The following NAALADL2 variants were observed in gnomAD, a reference collection of about 807,000 sequenced individuals.
NAALADL2 encodes the protein N-acetylated alpha-linked acidic dipeptidase like 2, also known as inactive N-acetylated-alpha-linked acidic dipeptidase-like protein 2.
Under a neutral mutation model 87.2 loss-of-function variants are expected in NAALADL2, and 76 were observed. That is an observed-to-expected ratio of 0.87 (90% CI 0.72 to 1.05). The LOEUF is 1.05. NAALADL2 is among the 50% of genes least tolerant of loss of function. The pLI, the probability that NAALADL2 is intolerant of heterozygous loss-of-function variation, is 0.00. For missense variants in NAALADL2, 1,089 were observed against 945.8 expected, an observed-to-expected ratio of 1.15 and a Z score of -1.99; for synonymous variants, 354 against 331.0, an observed-to-expected ratio of 1.07 and a Z score of -0.75.
rs917976359 is a variant in NAALADL2 at position 175,233,769 on chromosome 3, C to T, written c.546-162C>T. 2.6e-5 allele frequency among the ~76,000 whole-genome samples: 4 copies of T among 152,116 alleles called. No individual in the cohort carries two copies. In the South Asian group the frequency reaches 8.3e-4, roughly 32 times the overall value. The stretch of plus-strand genomic sequence containing the variant: ...CTTAATTTAAGAAACTAATTCATTC[C>T]ACTTTGTTTTGTGTTTATGTTTCAT... On this transcript the variant is annotated intron_variant, in intron 2 of 13. Coordinates refer to ENST00000454872, the MANE Select transcript of NAALADL2 (RefSeq NM_207015.3).
chr3:174,548,010 T>C (rs1264491361), intron 1 of NAALADL2, among the ~76,000 whole-genome samples: 3 of 152,228 alleles, frequency 2.0e-5, no homozygotes, highest in Non-Finnish European at 4.4e-5. Context: ...AATGTAAATA[T>C]GTGCAATCTT....
At chr3:175,238,905 A>G (rs1348024560) in intron 3 of NAALADL2, among the ~76,000 whole-genome samples, 2 of 152,236 alleles carry the variant, frequency 1.3e-5, no homozygotes, top group African/African-American at 4.8e-5. Flanking sequence ...TCTGACTGCC[A>G]GCAAAGCTTC....
At chr3:174,744,411 A>G (rs1734057761) in intron 3 of NAALADL2, among the ~76,000 whole-genome samples, 3 of 152,036 alleles carry the variant, frequency 2.0e-5, no homozygotes, top group Non-Finnish European at 4.4e-5. Flanking sequence ...AATCCTAAAT[A>G]TATATGCACC....
At chr3:175,743,657 G>A (rs1447646970) in intron 12 of NAALADL2, among the ~76,000 whole-genome samples, 3 of 152,348 alleles carry the variant, frequency 2.0e-5, no homozygotes, top group Non-Finnish European at 1.5e-5. Context: ...AAGGAGTGAA[G>A]GGTAGTGAAA....
intron 2 of NAALADL2, among the ~76,000 whole-genome samples, chr3:174,716,992 GT>G (rs544005088): frequency 2.6e-5 from 4 of 151,786 alleles, no homozygotes; most frequent in Admixed American, 2.0e-4. Context: ...TTTTAGAATT[GT>G]TTTTTTTCCA....
intron 2 of NAALADL2, among the ~76,000 whole-genome samples, chr3:174,616,407 G>T (rs978922834): frequency 1.3e-5 from 2 of 151,868 alleles, no homozygotes; most frequent in African/African-American, 4.8e-5. Context: ...GAATAGGAAG[G>T]TACTTTTTTG....
chr3:175,440,540 TG>T (rs1719554576), intron 5 of NAALADL2, among the ~76,000 whole-genome samples: 1 of 152,196 alleles, frequency 6.6e-6, no homozygotes, highest in South Asian at 2.1e-4. Flanking sequence ...TCCATTTGTT[TG>T]TGTCATCGAT....
intron 1 of NAALADL2, among the ~76,000 whole-genome samples, chr3:174,981,880 T>C (rs76329900): frequency 0.11 from 16,387 of 152,048 alleles, 2,174 homozygotes; most frequent in African/African-American, 0.31. Flanking sequence ...TCAGATCTAA[T>C]TTCCAGGTAA....
rs1254357634 is a variant in NAALADL2, at chr3:174,987,790, TTAATTATATATATATATA to T, written c.44-108977_44-108960del. On this transcript the variant is annotated intron_variant, in intron 1 of 13. Coordinates refer to ENST00000454872, the MANE Select transcript of NAALADL2 (RefSeq NM_207015.3). Reference sequence around the variant, plus strand: ...CCCAGGCATGCACTACCATACCTGGTTAATTATATATATATATATAATTATATATATATATATAATGAG... The same window carrying T: ...CCCAGGCATGCACTACCATACCTGGTTAATTATATATATATATATAATGAG... Among the ~76,000 whole-genome samples, 4 of 129,272 alleles carry T rather than the reference TTAATTATATATATATATA, an allele frequency of 3.1e-5. 1 individual carries two copies. The highest frequency in any genetic ancestry group is 4.6e-4 in the South Asian group (2 of 4,306). 84.8% of individuals were successfully genotyped at this position (129,272 alleles called of 152,430 possible).
intron 2 of NAALADL2, among the ~76,000 whole-genome samples, chr3:174,674,722 C>T (rs1273288359): frequency 6.6e-6 from 1 of 151,942 alleles, no homozygotes; most frequent in African/African-American, 2.4e-5. Context: ...CTATCATTTT[C>T]CCTGCCTTTT....
intron 13 of NAALADL2, among the ~76,000 whole-genome samples, chr3:175,758,854 C>G (rs552232878): frequency 6.6e-6 from 1 of 151,762 alleles, no homozygotes; most frequent in Admixed American, 6.6e-5. Context: ...ACTCTCTAAC[C>G]CACTGGGCAT....
At chr3:175,701,969 A>G in intron 11 of NAALADL2, among the ~76,000 whole-genome samples, 1 of 152,142 alleles carries the variant, frequency 6.6e-6, no homozygotes, top group East Asian at 1.9e-4. Context: ...CCAAATTTTA[A>G]TTTCCTGAAT....
At chr3:175,512,646 G>A (rs1293135879) in intron 9 of NAALADL2, among the ~76,000 whole-genome samples, 3 of 152,280 alleles carry the variant, frequency 2.0e-5, no homozygotes, top group East Asian at 1.9e-4. Context: ...ATTTATGGTG[G>A]TGGCAATGTG....
intron 2 of NAALADL2, among the ~76,000 whole-genome samples, chr3:174,603,667 TA>T (rs1718679995): frequency 6.6e-6 from 1 of 152,092 alleles, no homozygotes; most frequent in Non-Finnish European, 1.5e-5. Flanking sequence ...GATGCATTGT[TA>T]GGTTGTTTAT....
intron 2 of NAALADL2, among the ~76,000 whole-genome samples, chr3:175,136,346 G>C (rs1376986159): frequency 1.3e-5 from 2 of 152,180 alleles, no homozygotes; most frequent in Non-Finnish European, 2.9e-5. Flanking sequence ...GTGTCACTGT[G>C]TCTAGCTTAA....
intron 12 of NAALADL2, among the ~76,000 whole-genome samples, chr3:175,741,711 C>T (rs1745260837): frequency 6.6e-6 from 1 of 151,798 alleles, no homozygotes; most frequent in Admixed American, 6.6e-5. Context: ...TGATTTTTTC[C>T]AGCCTCCAGA....
rs1157257533 is a variant in NAALADL2 at position 175,206,262 on chromosome 3, A to ATATAT, written c.546-27668_546-27667insATATT. On this transcript the variant is annotated intron_variant, in intron 2 of 13. Coordinates refer to ENST00000454872, the MANE Select transcript of NAALADL2 (RefSeq NM_207015.3). ...TAAAAAACTATATATATATATATAT[A>ATATAT]TTTTTTTTTTTCACTGTGTGTGTGT... is the stretch of plus-strand genomic sequence containing the variant. Among the ~76,000 whole-genome samples the ATATAT allele has an allele frequency of 1.2e-3, 123 of 103,142 alleles. 4 individuals are homozygous for ATATAT. Among genetic ancestry groups the ATATAT allele is most frequent in the African/African-American group, 5.6e-3 (117 of 20,984 alleles). 67.7% of individuals were successfully genotyped at this position (103,142 alleles called of 152,430 possible).
chr3:174,726,668 CT>C (rs1732222905), intron 2 of NAALADL2, among the ~76,000 whole-genome samples: 1 of 151,832 alleles, frequency 6.6e-6, no homozygotes, highest in Non-Finnish European at 1.5e-5. Context: ...ACACCGTTGT[CT>C]TATTCCTTCC....
At chr3:175,143,551 CAAAAA>C (rs200363916) in intron 2 of NAALADL2, among the ~76,000 whole-genome samples, 5 of 113,398 alleles carry the variant, frequency 4.4e-5, no homozygotes, top group Non-Finnish European at 5.3e-5. Flanking sequence ...CAATGTTAGC[CAAAAA>C]AAAAAAAAAA....
Sources: allele counts gnomAD v4.1 joint callset (sites outside exome capture counted in the v4.1 genomes callset), GRCh38; gene constraint gnomAD v4.1.1; transcripts MANE v1.5; gene names NCBI Gene and HGNC (gene_info 2026-07-23, HGNC 2026-07-21).